The following MGAT5B variants were observed in gnomAD, a reference collection of about 807,000 sequenced individuals.
The protein encoded by MGAT5B is alpha-1,6-mannosylglycoprotein 6-beta-N-acetylglucosaminyltransferase B.
In MGAT5B, 54 loss-of-function variants were observed where a neutral mutation model predicts 95.1. That is an observed-to-expected ratio of 0.57 (90% CI 0.46 to 0.71). The LOEUF is 0.71. Among genes scored for constraint, MGAT5B ranks in the 30% least tolerant of loss-of-function variants. The probability of loss-of-function intolerance (pLI) is 0.00; values close to 1 mark genes in which losing one functional copy is unlikely to be tolerated. For missense variants in MGAT5B, 935 were observed against 1,088.6 expected (o/e 0.86, Z 1.99); for synonymous variants, 464 against 451.0 (o/e 1.03, Z -0.36).
chr17:76,914,107 AAGAG>A lies in MGAT5B; in HGVS notation c.1025+7922_1025+7925del, dbSNP rs1270528793. ...CAAAGCAAGACTGTCTCAAAAAAAAAAGAGAAGAAGAAGAAGAAAGAAAGAAGGA... is the reference window on the plus strand; with the variant it reads ...CAAAGCAAGACTGTCTCAAAAAAAAAAAGAAGAAGAAGAAAGAAAGAAGGA... On this transcript the variant is annotated intron_variant, in intron 8 of 17. Coordinates refer to ENST00000569840, the MANE Select transcript of MGAT5B (RefSeq NM_001199172.2). This position sits in a 1 kb window ranked among gnomAD's most constrained non-coding sequence, Gnocchi z 5.1. The A allele has an allele frequency of 1.7e-4, 30 of 172,556 alleles. 1 individual carries two copies. Among genetic ancestry groups the A allele is most frequent in the South Asian group, 5.2e-4 (4 of 7,638 alleles). The allele number at this position is 172,556 out of a possible 1,614,324, so 10.7% of individuals were successfully genotyped here. A position where few individuals can be genotyped will look rare whatever the true frequency, so the allele number is the denominator to read the frequency against.
In MGAT5B at chr17:76,897,731, CTTTTT is replaced by C. The variant is rs59682650; in HGVS notation, c.330-4810_330-4806del. 3.7e-3 allele frequency among the ~76,000 whole-genome samples: 318 copies of C among 84,860 alleles called. 12 individuals are homozygous for C. Among genetic ancestry groups the C allele is most frequent in the African/African-American group, 0.012 (292 of 23,736 alleles). The allele number at this position is 84,860 out of a possible 152,430, so 55.7% of individuals were successfully genotyped here. A position where few individuals can be genotyped will look rare whatever the true frequency, so the allele number is the denominator to read the frequency against. On this transcript the variant is annotated intron_variant, in intron 3 of 17. Transcript: ENST00000569840. ...TTTCTTTCTTTCTTTCTTTCTTTTT[CTTTTT>C]TTTTTTTTTTTTTGGTTTATTAAAA...
At position 76,926,593 on chromosome 17, in the gene MGAT5B, G is replaced by A. The variant is rs376735735; in HGVS notation, c.1158-4G>A. 18 of 1,607,596 alleles carry A rather than the reference G, an allele frequency of 1.1e-5. No homozygotes were observed. The highest frequency in any genetic ancestry group is 3.3e-5 in the Admixed American group (2 of 59,746). ...CCCTGGTTCCTGGTCCCCTGGGGGG[G>A]CAGGTGCCGAATCAGGGTCATCGAC... On this transcript the variant is annotated splice_polypyrimidine_tract_variant and splice_region_variant and intron_variant, in intron 9 of 17. Transcript: ENST00000569840.
At chr17:76,894,581 C>T (rs899157536) in intron 3 of MGAT5B, among the ~76,000 whole-genome samples, 1 of 152,082 alleles carries the variant, frequency 6.6e-6, no homozygotes, top group Non-Finnish European at 1.5e-5. Context: ...TTAGGCTGTG[C>T]GCAGTGGCTC....
intron 3 of MGAT5B, among the ~76,000 whole-genome samples, chr17:76,898,520 C>T (rs1485234214): frequency 6.6e-6 from 1 of 151,508 alleles, no homozygotes; most frequent in East Asian, 1.9e-4. Context: ...CCAGGCTGGT[C>T]TCAAACTCCT....
At chr17:76,894,990 C>G (rs1040476873) in intron 3 of MGAT5B, among the ~76,000 whole-genome samples, 4 of 152,130 alleles carry the variant, frequency 2.6e-5, no homozygotes, top group Non-Finnish European at 5.9e-5. Context: ...CGGTACCGCT[C>G]CATGGTCTGT....
chr17:76,879,037 G>C (rs935837074), intron 2 of MGAT5B, among the ~76,000 whole-genome samples: 2 of 152,234 alleles, frequency 1.3e-5, no homozygotes, highest in Admixed American at 1.3e-4. Flanking sequence ...CCATGCTGCT[G>C]CTGCAGCCTC....
At chr17:76,913,344 T>G (rs1968811115) in intron 8 of MGAT5B, among the ~76,000 whole-genome samples, 1 of 152,124 alleles carries the variant, frequency 6.6e-6, no homozygotes, top group Non-Finnish European at 1.5e-5. Context: ...TCTGAACCAA[T>G]GCAAACTGGG....
intron 2 of MGAT5B, among the ~76,000 whole-genome samples, chr17:76,876,203 G>A (rs2145120152): frequency 6.6e-6 from 1 of 152,220 alleles, no homozygotes; most frequent in East Asian, 1.9e-4. Context: ...CGCAGTGCCT[G>A]GGGCAGCCCT....
chr17:76,904,474 C>T (rs918837885), intron 6 of MGAT5B, 52 bp downstream of exon 6: 66 of 1,520,164 alleles, frequency 4.3e-5, no homozygotes, highest in Admixed American at 1.2e-4. Flanking sequence ...GCTGGACATT[C>T]TTAAGGACAG....
chr17:76,875,803 C>T (rs1215889278), intron 2 of MGAT5B, among the ~76,000 whole-genome samples: 1 of 151,702 alleles, frequency 6.6e-6, no homozygotes, highest in Non-Finnish European at 1.5e-5. Flanking sequence ...TTTCAGTGCA[C>T]GTCTTTTGGT....
At chr17:76,893,318 T>C (rs1256070130) in intron 3 of MGAT5B, among the ~76,000 whole-genome samples, 1 of 152,086 alleles carries the variant, frequency 6.6e-6, no homozygotes, top group Non-Finnish European at 1.5e-5. Flanking sequence ...GGTAAATACG[T>C]GTGTATGCAC....
rs1247791076 is a variant in MGAT5B at position 76,905,686 on chromosome 17, C to G, written c.856-332C>G. Among the ~76,000 whole-genome samples, 1 of 148,390 alleles carries G rather than the reference C, an allele frequency of 6.7e-6. No homozygotes were observed. The highest frequency in any genetic ancestry group is 2.4e-5 in the African/African-American group (1 of 40,836). The stretch of plus-strand genomic sequence containing the variant: ...TCCCTCCTTCCTTCCCTCCCTCCCT[C>G]CCTCCACCCAGTAGATATTTACGTG... On this transcript the variant is annotated intron_variant, in intron 7 of 17. Coordinates refer to ENST00000569840, the MANE Select transcript of MGAT5B (RefSeq NM_001199172.2). This position sits in a 1 kb window ranked among gnomAD's most constrained non-coding sequence, Gnocchi z 4.2.
chr17:76,904,969 G>C (rs1968466404), intron 6 of MGAT5B, among the ~76,000 whole-genome samples, 200 bp from the exon 7 acceptor site: 2 of 152,210 alleles, frequency 1.3e-5, no homozygotes, highest in African/African-American at 4.8e-5. Flanking sequence ...CCCATGGTTA[G>C]AGCTGGGCTG....
At chr17:76,872,090 C>A (rs1167252798) in intron 1 of MGAT5B, among the ~76,000 whole-genome samples, 1 of 151,590 alleles carries the variant, frequency 6.6e-6, no homozygotes, top group Non-Finnish European at 1.5e-5. Context: ...ACAGCACACA[C>A]ACCTATATGA....
At chr17:76,895,997 C>T (rs759869113) in intron 3 of MGAT5B, among the ~76,000 whole-genome samples, 2 of 152,170 alleles carry the variant, frequency 1.3e-5, no homozygotes, top group Admixed American at 6.5e-5. Flanking sequence ...GAGAAGTCAG[C>T]GCTGGTGCTG....
chr17:76,948,774 G>T lies in MGAT5B; in HGVS notation c.2315G>T (p.Arg772Leu). The stretch of plus-strand genomic sequence containing the variant: ...TGCGCCGGCTCCAACACCAAGTACC[G>T]CCGGCTCTGCCCCTGCCGCGACTTC... ...FSCAGSNTKY[R>L]RLCPCRDFRK... The change falls in exon 18 of 18, where the codon CGC becomes CTC. Residue 772 changes from arginine to leucine, a missense_variant. Arg to Leu is a moderately radical substitution (Grantham distance 102). This residue lies in a region of MGAT5B where 440 missense variants were observed against 523.6 expected (regional missense o/e 0.84). Coordinates refer to ENST00000569840, the MANE Select transcript of MGAT5B (RefSeq NM_001199172.2). The T allele has an allele frequency of 6.2e-7, 1 of 1,609,188 alleles. No homozygotes were observed. The highest frequency in any genetic ancestry group is 8.5e-7 in the Non-Finnish European group (1 of 1,178,462).
At position 76,917,679 on chromosome 17, in the gene MGAT5B, G is replaced by A. The variant is rs992570671; in HGVS notation, c.1026-7287G>A. On this transcript the variant is annotated intron_variant, in intron 8 of 17. Transcript: ENST00000569840. This position sits in a 1 kb window ranked among gnomAD's most constrained non-coding sequence, Gnocchi z 6.1. The stretch of plus-strand genomic sequence containing the variant: ...AGACTGCTCGAGTGGGATTGACAGC[G>A]GAGTCTTACCCCAAGGTCCCTGCAC... 2.0e-5 allele frequency among the ~76,000 whole-genome samples: 3 copies of A among 152,002 alleles called. No homozygotes were observed. The highest frequency in any genetic ancestry group is 2.1e-4 in the South Asian group (1 of 4,800).
In MGAT5B at chr17:76,892,599, A is replaced by G. The variant is rs549870555; in HGVS notation, c.330-9956A>G. The stretch of plus-strand genomic sequence containing the variant: ...AACTCAGCACAGCCATGATCCTCAC[A>G]GTGACAGCTTATTCCTGTGAAAGGA... On this transcript the variant is annotated intron_variant, in intron 3 of 17. Coordinates refer to ENST00000569840, the MANE Select transcript of MGAT5B (RefSeq NM_001199172.2). 3.0e-4 allele frequency among the ~76,000 whole-genome samples: 45 copies of G among 152,368 alleles called. No individual in the cohort carries two copies. The South Asian group carries it at 8.9e-3, about 30-fold the overall frequency.
chr17:76,897,982 G>A lies in MGAT5B; in HGVS notation c.330-4573G>A, dbSNP rs111996485. 1.4e-4 allele frequency among the ~76,000 whole-genome samples: 21 copies of A among 151,896 alleles called. 1 individual carries two copies. The highest frequency in any genetic ancestry group is 5.1e-4 in the African/African-American group (21 of 41,452). ...GAGGTAGGAGAATCACTTGAACCCAGGAGGCAGAGGCTGCAGTGAGCCGGG... is the reference window on the plus strand; with the variant it reads ...GAGGTAGGAGAATCACTTGAACCCAAGAGGCAGAGGCTGCAGTGAGCCGGG... On this transcript the variant is annotated intron_variant, in intron 3 of 17. Transcript: ENST00000569840.
Sources: gnomAD v4.1 joint callset for allele counts (sites outside exome capture counted in the v4.1 genomes callset) on GRCh38, gnomAD v4.1.1 for gene constraint, gnomAD v4.1.1 regional missense constraint, Gnocchi (gnomAD v3.1) non-coding constraint, MANE v1.5 for transcripts, NCBI Gene and HGNC (gene_info 2026-07-23, HGNC 2026-07-21) for gene names.